Variants in LGR5 observed in about 807,000 individuals in gnomAD.
LGR5 encodes leucine-rich repeat-containing G protein-coupled receptor 5.
Under a neutral mutation model 76.7 loss-of-function variants are expected in LGR5, and 54 were observed. That is an observed-to-expected ratio of 0.70 (90% confidence interval 0.57 to 0.88). The LOEUF (loss-of-function observed/expected upper bound fraction) is 0.88, where lower values mean the gene tolerates loss of function less well. Ranked by LOEUF, LGR5 falls within the 40% of genes least tolerant of loss-of-function variation. The probability of loss-of-function intolerance (pLI) is 0.00; values close to 1 mark genes in which losing one functional copy is unlikely to be tolerated. For missense variants in LGR5, 1,078 were observed against 1,073.3 expected (o/e 1.00, Z -0.06); for synonymous variants, 406 against 421.9 (o/e 0.96, Z 0.46).
intron 5 of LGR5, among the ~76,000 whole-genome samples, chr12:71,555,465 T>G (rs1267685685): frequency 6.6e-6 from 1 of 152,194 alleles, no homozygotes; most frequent in African/African-American, 2.4e-5. Context: ...AGATGATAAT[T>G]ATATACACTA....
chr12:71,565,155 T>A (rs985562786), intron 8 of LGR5, among the ~76,000 whole-genome samples: 3 of 151,920 alleles, frequency 2.0e-5, no homozygotes, highest in African/African-American at 7.3e-5. Context: ...AAGAGCTCAG[T>A]GGGTAGGACA....
intron 2 of LGR5, among the ~76,000 whole-genome samples, chr12:71,523,494 A>G (rs1238380269): frequency 6.6e-6 from 1 of 152,158 alleles, no homozygotes; most frequent in African/African-American, 2.4e-5. Flanking sequence ...GAAAAAAAAG[A>G]AAAAGAAAAA....
intron 1 of LGR5, among the ~76,000 whole-genome samples, chr12:71,464,295 T>C (rs76819896): frequency 0.014 from 2,086 of 152,230 alleles, 19 homozygotes; most frequent in Middle Eastern, 0.034. Context: ...TAATATTTGT[T>C]GAATAAGAGG....
At chr12:71,547,113 A>C (rs1482036404) in intron 4 of LGR5, among the ~76,000 whole-genome samples, 1 of 152,202 alleles carries the variant, frequency 6.6e-6, no homozygotes, top group Non-Finnish European at 1.5e-5. Context: ...ACCCTTCCTC[A>C]TCAGTTGTAG....
At chr12:71,457,576 G>A (rs1273863381) in intron 1 of LGR5, among the ~76,000 whole-genome samples, 2 of 152,090 alleles carry the variant, frequency 1.3e-5, no homozygotes, top group Non-Finnish European at 2.9e-5. Context: ...GCTAAAGATA[G>A]TTTCATGGGC....
chr12:71,559,688 T>C, intron 7 of LGR5, 34 bp downstream of exon 7: 1 of 1,113,354 alleles, frequency 9.0e-7, no homozygotes. Context: ...TGGGAGAACT[T>C]TATCCTTTTG....
intron 2 of LGR5, among the ~76,000 whole-genome samples, chr12:71,511,490 T>G (rs75444391): frequency 6.6e-6 from 1 of 152,108 alleles, no homozygotes; most frequent in Non-Finnish European, 1.5e-5. Flanking sequence ...AGGCTAGTGG[T>G]TCTCGAAATC....
At chr12:71,551,299 A>G (rs1877472580) in intron 4 of LGR5, among the ~76,000 whole-genome samples, 2 of 152,250 alleles carry the variant, frequency 1.3e-5, no homozygotes, top group Non-Finnish European at 2.9e-5. Context: ...GCTGCTTTCT[A>G]TAGAAATGAG....
Position 71,440,347 on chromosome 12 carries a change from C to G in LGR5, c.212+55C>G. ...AGAGACTAAGAGGGGAAGGAAGGTT[C>G]GTCCAAGGCGAGGCTGGAGGCTCCT... On this transcript the variant is annotated intron_variant, in intron 1 of 17. Coordinates refer to ENST00000266674, the MANE Select transcript of LGR5 (RefSeq NM_003667.4). The surrounding 1 kb of genome is among the most constrained non-coding windows in gnomAD (Gnocchi z 5.3). 1.3e-6 allele frequency: 2 copies of G among 1,552,856 alleles called. No homozygotes were observed. The highest frequency in any genetic ancestry group is 1.8e-6 in the Non-Finnish European group (2 of 1,139,512).
intron 1 of LGR5, among the ~76,000 whole-genome samples, chr12:71,492,888 CT>C (rs1874137108): frequency 6.6e-6 from 1 of 151,216 alleles, no homozygotes; most frequent in Admixed American, 6.6e-5. Flanking sequence ...AGCGTTTCAC[CT>C]TTTTCTTGTT....
chr12:71,535,034 C>T (rs1007918773), intron 3 of LGR5, 81 bp from the exon 4 acceptor site: 2 of 906,828 alleles, frequency 2.2e-6, no homozygotes, highest in Non-Finnish European at 3.5e-6. Context: ...TTTTCTGACA[C>T]CTGGAACAGT....
chr12:71,510,449 A>G (rs1366606343), intron 2 of LGR5, among the ~76,000 whole-genome samples: 1 of 152,044 alleles, frequency 6.6e-6, no homozygotes, highest in Non-Finnish European at 1.5e-5. Flanking sequence ...TTAGCATTCC[A>G]TTCTCCCCCA....
At chr12:71,571,203 T>C (rs1878596429) in intron 11 of LGR5, 1 of 183,778 alleles carries the variant, frequency 5.4e-6, no homozygotes, top group Non-Finnish European at 1.1e-5. Flanking sequence ...AATTATTTAA[T>C]TTAATTTGTT....
rs563246260 is a variant in LGR5, at chr12:71,535,150, C to T, written c.392C>T (p.Thr131Ile). The T allele has an allele frequency of 6.2e-7, 1 of 1,612,100 alleles. No individual in the cohort carries two copies. Among genetic ancestry groups the T allele is most frequent in the African/African-American group, 1.3e-5 (1 of 75,010 alleles). The change falls in exon 4 of 18, where the codon ACA (threonine) becomes ATA (isoleucine). Residue 131 changes from threonine to isoleucine, a missense_variant. Transcript: ENST00000266674. ...AATAATCAGCTAAGACACGTACCCA[C>T]AGAAGCTCTGCAGAATTTGCGAAGC... ...LQNNQLRHVP[T>I]EALQNLRSLQ...
chr12:71,531,832 C>T (rs1876329367), intron 3 of LGR5, among the ~76,000 whole-genome samples: 1 of 152,190 alleles, frequency 6.6e-6, no homozygotes, highest in South Asian at 2.1e-4. Context: ...CGCACCACTG[C>T]ACTCCCGTGT....
intron 1 of LGR5, among the ~76,000 whole-genome samples, chr12:71,499,046 G>A (rs561340879): frequency 1.5e-3 from 233 of 152,286 alleles, no homozygotes; most frequent in African/African-American, 4.7e-3. Context: ...GCACATTTAT[G>A]AGGTTTTTTT....
chr12:71,456,585 CAA>C (rs1213170098), intron 1 of LGR5, among the ~76,000 whole-genome samples: 2 of 152,124 alleles, frequency 1.3e-5, no homozygotes, highest in African/African-American at 4.8e-5. Flanking sequence ...TGAAAGAAGG[CAA>C]CCATTTTATT....
intron 1 of LGR5, chr12:71,441,632 A>G (rs1250579729): frequency 6.6e-6 from 1 of 152,176 alleles, no homozygotes; most frequent in Non-Finnish European, 1.5e-5. Flanking sequence ...TACTTGCTTT[A>G]ATATTGTCTT....
chr12:71,572,837 C>G lies in LGR5; in HGVS notation c.1137-13C>G. ...TAACTTTGAAATCAATCTTTGGAAC[C>G]CTGTCATTTCAGTGACCTAAGACAT... On this transcript the variant is annotated splice_polypyrimidine_tract_variant and intron_variant, in intron 12 of 17. Transcript: ENST00000266674. The G allele has an allele frequency of 3.1e-6, 5 of 1,607,348 alleles. No individual in the cohort carries two copies. Among genetic ancestry groups the G allele is most frequent in the Non-Finnish European group, 3.4e-6 (4 of 1,174,380 alleles).
Sources: gnomAD v4.1 joint callset for allele counts (sites outside exome capture counted in the v4.1 genomes callset) on GRCh38, gnomAD v4.1.1 for gene constraint, Gnocchi (gnomAD v3.1) non-coding constraint, MANE v1.5 for transcripts, NCBI Gene and HGNC (gene_info 2026-07-23, HGNC 2026-07-21) for gene names.